The following TENM2 variants were observed in gnomAD, a reference collection of about 807,000 sequenced individuals.
TENM2 encodes the protein teneurin transmembrane protein 2.
Under a neutral mutation model 245.2 loss-of-function variants are expected in TENM2, and 52 were observed. The ratio of observed to expected loss-of-function variants is 0.21; its 90% CI spans 0.17 to 0.27. TENM2 has a LOEUF of 0.27. Among genes scored for constraint, TENM2 ranks in the 10% least tolerant of loss-of-function variants. The pLI is 1.00. For missense variants in TENM2, 3,046 were observed against 3,666.8 expected (o/e 0.83, Z 4.37); for synonymous variants, 1,363 against 1,438.9 (o/e 0.95, Z 1.19).
chr5:168,017,666 T>C (rs1785777624), intron 5 of TENM2, among the ~76,000 whole-genome samples: 1 of 152,228 alleles, frequency 6.6e-6, no homozygotes, highest in Admixed American at 6.5e-5. Flanking sequence ...AAGGCCCATT[T>C]TCTTGCACTT....
At chr5:167,436,702 G>A (rs1452151267) in intron 2 of TENM2, among the ~76,000 whole-genome samples, 1 of 152,138 alleles carries the variant, frequency 6.6e-6, no homozygotes, top group Non-Finnish European at 1.5e-5. Flanking sequence ...GGGTTCCCGT[G>A]CTGTGTGTAG....
the TENM2 span, among the ~76,000 whole-genome samples, chr5:167,235,073 C>G: frequency 6.6e-6 from 1 of 152,162 alleles, no homozygotes; most frequent in Non-Finnish European, 1.5e-5. Flanking sequence ...GTTCCAGAAG[C>G]TAGAGGTCCA....
chr5:167,588,426 A>T (rs527645250), intron 2 of TENM2, among the ~76,000 whole-genome samples: 1 of 152,222 alleles, frequency 6.6e-6, no homozygotes, highest in Non-Finnish European at 1.5e-5. Flanking sequence ...CTCTCCATCA[A>T]TGGGTGTATT....
intron 3 of TENM2, among the ~76,000 whole-genome samples, chr5:167,909,099 C>T (rs1776348757): frequency 7.0e-6 from 1 of 143,482 alleles, no homozygotes; most frequent in South Asian, 2.2e-4. Context: ...AAAATTGAAC[C>T]AGTTTTATTC....
chr5:168,126,366 G>A (rs1529681), intron 11 of TENM2, among the ~76,000 whole-genome samples: 45,888 of 151,994 alleles, frequency 0.3, 7,383 homozygotes, highest in East Asian at 0.62. Context: ...ACTGGTTGGA[G>A]TGGTCTCAAT....
upstream of TENM2, among the ~76,000 whole-genome samples, chr5:167,283,208 G>A (rs562203500): frequency 2.5e-4 from 38 of 151,294 alleles, no homozygotes; most frequent in African/African-American, 7.6e-4. Flanking sequence ...CAGGCCCAGC[G>A]AATTTTTTTT....
chr5:168,120,419 C>G (rs150447614), intron 10 of TENM2, among the ~76,000 whole-genome samples: 2 of 152,128 alleles, frequency 1.3e-5, no homozygotes, highest in Admixed American at 1.3e-4. Context: ...GCCAATAATA[C>G]GACAAGAAAG....
At chr5:167,363,774 GAAAC>G (rs2127274814) in intron 1 of TENM2, among the ~76,000 whole-genome samples, 1 of 145,346 alleles carries the variant, frequency 6.9e-6, no homozygotes, top group South Asian at 2.3e-4. Context: ...AGAGAAAAAG[GAAAC>G]AAACCTTCAT....
chr5:167,351,845 CA>C (rs1428353427), intron 1 of TENM2, among the ~76,000 whole-genome samples: 1 of 94,692 alleles, frequency 1.1e-5, no homozygotes, highest in African/African-American at 3.4e-5. Flanking sequence ...GGAACAAAAA[CA>C]AAAAAACAAA....
chr5:168,190,555 C>T lies in TENM2; in HGVS notation c.2780+8C>T, dbSNP rs1760861557. The stretch of plus-strand genomic sequence containing the variant: ...GAACCCTTTCAACAGCAGGTAGGCA[C>T]CCTCTGTCCCTGCAAACTCCTGAAG... On this transcript the variant is annotated splice_region_variant and intron_variant, in intron 14 of 28. Transcript: ENST00000518659. 6.2e-7 allele frequency: 1 copy of T among 1,610,436 alleles called. No individual in the cohort carries two copies. Among genetic ancestry groups the T allele is most frequent in the South Asian group, 1.1e-5 (1 of 90,662 alleles).
the TENM2 span, among the ~76,000 whole-genome samples, chr5:167,125,896 G>A: frequency 6.6e-6 from 1 of 152,170 alleles, no homozygotes. Context: ...CACACAGCTG[G>A]TTAGTAACAG....
chr5:167,087,793 CTT>C, the TENM2 span, among the ~76,000 whole-genome samples: 5 of 143,708 alleles, frequency 3.5e-5, no homozygotes, highest in Non-Finnish European at 1.5e-5. Context: ...CAATATCTCT[CTT>C]TTTTTTTTTT....
At chr5:167,033,061 GT>G in the TENM2 span, among the ~76,000 whole-genome samples, 2 of 152,150 alleles carry the variant, frequency 1.3e-5, no homozygotes, top group East Asian at 3.9e-4. Context: ...AGAGACAGAA[GT>G]TAAAAAGCAG....
intron 2 of TENM2, among the ~76,000 whole-genome samples, chr5:167,685,391 G>A (rs1019506873): frequency 2.6e-5 from 4 of 152,086 alleles, no homozygotes; most frequent in African/African-American, 9.7e-5. Context: ...TCAGTTAAGC[G>A]ATATCCTTTT....
chr5:167,965,291 A>G (rs1781307140), intron 4 of TENM2: 1 of 152,264 alleles, frequency 6.6e-6, no homozygotes, highest in Admixed American at 6.5e-5. Context: ...AGGCAAGAGA[A>G]TTGAGTGCAG....
chr5:167,578,482 G>A (rs897603509), intron 2 of TENM2, among the ~76,000 whole-genome samples: 3 of 152,132 alleles, frequency 2.0e-5, no homozygotes, highest in African/African-American at 7.2e-5. Context: ...CATTAGACAG[G>A]GATTTTGTGT....
intron 28 of TENM2, among the ~76,000 whole-genome samples, chr5:168,261,322 C>G (rs959113762): frequency 5.9e-5 from 9 of 152,194 alleles, no homozygotes; most frequent in Non-Finnish European, 1.5e-5. Context: ...TCCAAAACAA[C>G]TGCCTCAAAG....
At chr5:168,123,208 A>G (rs111637334) in intron 10 of TENM2, among the ~76,000 whole-genome samples, 2,131 of 152,204 alleles carry the variant, frequency 0.014, 45 homozygotes, top group African/African-American at 0.048. Flanking sequence ...CTAAGGCAGT[A>G]GGATCACTTG....
chr5:167,870,587 ATG>A (rs1554135301), intron 2 of TENM2, among the ~76,000 whole-genome samples: 8 of 144,100 alleles, frequency 5.6e-5, no homozygotes, highest in Non-Finnish European at 1.2e-4. Flanking sequence ...GTATATATAT[ATG>A]TATATATATG....
Sources: allele counts gnomAD v4.1 joint callset (sites outside exome capture counted in the v4.1 genomes callset), GRCh38; gene constraint gnomAD v4.1.1; transcripts MANE v1.5; gene names NCBI Gene and HGNC (gene_info 2026-07-23, HGNC 2026-07-21).